MACROD2: variants seen among roughly 807,000 people sequenced by gnomAD.
MACROD2 encodes mono-ADP ribosylhydrolase 2.
A neutral mutation model predicts 70.4 loss-of-function variants in MACROD2; 36 were observed. The ratio of observed to expected loss-of-function variants is 0.51; its 90% CI spans 0.39 to 0.68. MACROD2 has a LOEUF of 0.68. Ranked by LOEUF, MACROD2 falls within the 30% of genes least tolerant of loss-of-function variation. MACROD2 has a pLI of 0.00. For synonymous variants in MACROD2, 172 were observed against 178.8 expected, an observed-to-expected ratio of 0.96 and a Z score of 0.30; for missense variants, 496 against 538.4, an observed-to-expected ratio of 0.92 and a Z score of 0.78.
intron 8 of MACROD2, among the ~76,000 whole-genome samples, chr20:15,786,737 A>G (rs1327929535): frequency 1.3e-5 from 2 of 152,222 alleles, no homozygotes; most frequent in African/African-American, 4.8e-5. Context: ...ATGAAGGGAT[A>G]AAGAAGGTAA....
chr20:15,404,885 AAGT>A (rs1209992541), intron 6 of MACROD2, among the ~76,000 whole-genome samples: 4 of 152,224 alleles, frequency 2.6e-5, no homozygotes, highest in African/African-American at 7.2e-5. Context: ...AATAGCCAAA[AAGT>A]AGCAAGAGTC....
chr20:15,979,463 T>G (rs2066362984), intron 13 of MACROD2, among the ~76,000 whole-genome samples: 1 of 152,116 alleles, frequency 6.6e-6, no homozygotes, highest in South Asian at 2.1e-4. Flanking sequence ...GCGTGTCACA[T>G]TGTCACAGAC....
At chr20:15,764,885 A>G (rs2147003759) in intron 8 of MACROD2, among the ~76,000 whole-genome samples, 1 of 152,190 alleles carries the variant, frequency 6.6e-6, no homozygotes, top group African/African-American at 2.4e-5. Flanking sequence ...GTCCCTGCTA[A>G]TCTCTTGGTT....
intron 6 of MACROD2, among the ~76,000 whole-genome samples, chr20:15,360,185 G>A (rs2078335333): frequency 6.6e-6 from 1 of 152,166 alleles, no homozygotes; most frequent in Non-Finnish European, 1.5e-5. Flanking sequence ...CATATCAGTA[G>A]TTTGTTTCTT....
At chr20:14,469,646 A>G (rs1036718383) in intron 3 of MACROD2, among the ~76,000 whole-genome samples, 1 of 150,532 alleles carries the variant, frequency 6.6e-6, no homozygotes, top group African/African-American at 2.4e-5. Context: ...TTTTTCTCTA[A>G]TCTTGTCTTC....
At chr20:15,475,846 A>G (rs981487045) in intron 7 of MACROD2, among the ~76,000 whole-genome samples, 3 of 152,234 alleles carry the variant, frequency 2.0e-5, no homozygotes, top group East Asian at 1.9e-4. Flanking sequence ...AAAACATTCA[A>G]TCCCACTATT....
At chr20:14,843,163 C>CTTTTT (rs11389584) in intron 5 of MACROD2, among the ~76,000 whole-genome samples, 7 of 119,260 alleles carry the variant, frequency 5.9e-5, no homozygotes, top group Non-Finnish European at 1.0e-4. Context: ...TGTTCATTAA[C>CTTTTT]TTTTTTTTTT....
At chr20:15,542,043 C>T (rs1002164312) in intron 8 of MACROD2, among the ~76,000 whole-genome samples, 4 of 152,162 alleles carry the variant, frequency 2.6e-5, no homozygotes, top group Non-Finnish European at 5.9e-5. Flanking sequence ...GTGACTGCGA[C>T]CTGTACAATG....
At chr20:15,087,726 G>A (rs943381826) in intron 5 of MACROD2, among the ~76,000 whole-genome samples, 11 of 151,994 alleles carry the variant, frequency 7.2e-5, no homozygotes, top group South Asian at 6.2e-4. Context: ...ATTTTTCATG[G>A]CAAATGTCAA....
At chr20:14,510,689 A>G (rs2085019931) in intron 4 of MACROD2, among the ~76,000 whole-genome samples, 1 of 151,882 alleles carries the variant, frequency 6.6e-6, no homozygotes, top group Admixed American at 6.6e-5. Context: ...TCTTCATCTG[A>G]CTCTCTATTC....
At chr20:14,347,589 T>A (rs2083077040) in intron 3 of MACROD2, among the ~76,000 whole-genome samples, 1 of 152,132 alleles carries the variant, frequency 6.6e-6, no homozygotes, top group Non-Finnish European at 1.5e-5. Context: ...TTTCCATCTT[T>A]TGCTCTTCCA....
intron 8 of MACROD2, among the ~76,000 whole-genome samples, chr20:15,527,264 G>A (rs749713312): frequency 3.3e-5 from 5 of 152,002 alleles, no homozygotes; most frequent in Non-Finnish European, 7.4e-5. Flanking sequence ...CAAGCAAAAG[G>A]CTCCTTACTC....
chr20:15,043,080 A>G (rs1298656229), intron 5 of MACROD2, among the ~76,000 whole-genome samples: 2 of 152,060 alleles, frequency 1.3e-5, no homozygotes, highest in Non-Finnish European at 2.9e-5. Flanking sequence ...CTTCATTCCT[A>G]TCTATGTGGC....
chr20:15,289,286 A>G (rs2077520482), intron 6 of MACROD2, among the ~76,000 whole-genome samples: 1 of 152,308 alleles, frequency 6.6e-6, no homozygotes. Context: ...TCCTTCAAGC[A>G]TTGTGCTGGT....
chr20:15,062,199 A>G (rs966677293), intron 5 of MACROD2, among the ~76,000 whole-genome samples: 1 of 152,134 alleles, frequency 6.6e-6, no homozygotes, highest in Non-Finnish European at 1.5e-5. Context: ...GAAAATAGGT[A>G]AACAGCCTCA....
At chr20:15,454,294 C>G (rs559998230) in intron 7 of MACROD2, among the ~76,000 whole-genome samples, 2 of 151,964 alleles carry the variant, frequency 1.3e-5, no homozygotes, top group Admixed American at 6.6e-5. Context: ...CTGCGGTATT[C>G]TTTTCAAATT....
chr20:14,081,470 T>A (rs1211795684), intron 2 of MACROD2, among the ~76,000 whole-genome samples: 1 of 152,214 alleles, frequency 6.6e-6, no homozygotes, highest in Non-Finnish European at 1.5e-5. Context: ...GCAATTACTG[T>A]CATGTGTTTA....
At chr20:14,221,484 C>A (rs1359798007) in intron 3 of MACROD2, among the ~76,000 whole-genome samples, 1 of 151,976 alleles carries the variant, frequency 6.6e-6, no homozygotes, top group Non-Finnish European at 1.5e-5. Flanking sequence ...AAAACCAACT[C>A]AAGACAGATT....
chr20:14,456,763 C>A lies in MACROD2; in HGVS notation c.272-36716C>A, dbSNP rs367979970. Reference sequence around the variant, plus strand: ...ACTGAGTCTCTCTCTGTCACCCAGGCTGGAGTGCAGTGGTGCGATCTCGGC... The same window carrying A: ...ACTGAGTCTCTCTCTGTCACCCAGGATGGAGTGCAGTGGTGCGATCTCGGC... On this transcript the variant is annotated intron_variant, in intron 3 of 17. Coordinates refer to ENST00000684519, the MANE Select transcript of MACROD2 (RefSeq NM_001351661.2). 5.1e-4 allele frequency among the ~76,000 whole-genome samples: 66 copies of A among 130,040 alleles called. No homozygotes were observed. The East Asian group carries it at 0.015, about 30-fold the overall frequency. The allele number at this position is 130,040 out of a possible 152,430, so 85.3% of individuals were successfully genotyped here.
Sources: allele counts gnomAD v4.1 joint callset (sites outside exome capture counted in the v4.1 genomes callset), GRCh38; gene constraint gnomAD v4.1.1; transcripts MANE v1.5; gene names NCBI Gene and HGNC (gene_info 2026-07-23, HGNC 2026-07-21).